HPSE2: variants seen among roughly 807,000 people sequenced by gnomAD.
HPSE2 encodes the protein inactive heparanase-2.
Under a neutral mutation model 60.5 loss-of-function variants are expected in HPSE2, and 38 were observed. That is an observed-to-expected ratio of 0.63 (90% CI 0.48 to 0.82). HPSE2 has a LOEUF of 0.82. HPSE2 is among the 40% of genes least tolerant of loss of function. The probability of loss-of-function intolerance (pLI) is 0.00; values close to 1 mark genes in which losing one functional copy is unlikely to be tolerated. For missense variants in HPSE2, 713 were observed against 740.4 expected, an observed-to-expected ratio of 0.96 and a Z score of 0.43; for synonymous variants, 295 against 293.2, an observed-to-expected ratio of 1.01 and a Z score of -0.06.
chr10:99,093,257 T>A (rs1843580983), intron 3 of HPSE2, among the ~76,000 whole-genome samples: 1 of 151,884 alleles, frequency 6.6e-6, no homozygotes. Flanking sequence ...TTTCTACCAC[T>A]CAGGAATTCC....
At chr10:98,727,659 A>C (rs921826365) in intron 4 of HPSE2, among the ~76,000 whole-genome samples, 1 of 149,218 alleles carries the variant, frequency 6.7e-6, no homozygotes, top group African/African-American at 2.4e-5. Context: ...CTGTCTCAAA[A>C]AAACAAAAAA....
At chr10:99,184,809 TATATATATATAGAG>T (rs1487082444) in intron 2 of HPSE2, among the ~76,000 whole-genome samples, 17 of 38,032 alleles carry the variant, frequency 4.5e-4, no homozygotes, top group African/African-American at 9.7e-4. Context: ...TATATATATA[TATATATATATAGAG>T]AGAGAGAGAG....
In HPSE2 at chr10:98,931,442, G is replaced by A. The variant is rs148926579; in HGVS notation, c.611-187386C>T. ...TGTTCTTTTTACTTAGGGTTGTCTT[G>A]GCTATGCAAGCTCTTTTTTGGTTCC... On this transcript the variant is annotated intron_variant, in intron 3 of 11. Coordinates refer to ENST00000370552, the MANE Select transcript of HPSE2 (RefSeq NM_021828.5). 1.1e-3 allele frequency among the ~76,000 whole-genome samples: 164 copies of A among 143,958 alleles called. 17 individuals carry two copies. In the East Asian group the frequency reaches 0.029, roughly 26 times the overall value. 94.4% of individuals were successfully genotyped at this position (143,958 alleles called of 152,430 possible).
chr10:99,035,478 G>A (rs746372860), intron 3 of HPSE2, among the ~76,000 whole-genome samples: 46 of 152,268 alleles, frequency 3.0e-4, no homozygotes, highest in Non-Finnish European at 5.3e-4. Context: ...CCTGCCTGAG[G>A]CTGTTTTACA....
intron 9 of HPSE2, among the ~76,000 whole-genome samples, chr10:98,608,821 A>G (rs1945667205): frequency 6.6e-6 from 1 of 152,066 alleles, no homozygotes; most frequent in African/African-American, 2.4e-5. Context: ...CCCACGGGAA[A>G]GAAAAGAAAG....
chr10:98,911,653 C>T (rs1374542829), intron 3 of HPSE2, among the ~76,000 whole-genome samples: 1 of 151,994 alleles, frequency 6.6e-6, no homozygotes, highest in African/African-American at 2.4e-5. Context: ...AGCTATAACC[C>T]GGTTGAAACA....
At chr10:99,051,268 G>A (rs575568410) in intron 3 of HPSE2, among the ~76,000 whole-genome samples, 2 of 152,088 alleles carry the variant, frequency 1.3e-5, no homozygotes, top group Non-Finnish European at 2.9e-5. Context: ...GGGCGACAGA[G>A]TGCAATATTT....
rs534191957 is a variant in HPSE2, at chr10:98,502,263, A to G, written c.1321-12067T>C. The stretch of plus-strand genomic sequence containing the variant: ...ACAGCAAGACTAAGCAAAAAGAACA[A>G]ATTGAGAGGCATCGCACACTACCTG... On this transcript the variant is annotated intron_variant, in intron 9 of 11. Coordinates refer to ENST00000370552, the MANE Select transcript of HPSE2 (RefSeq NM_021828.5). 5.3e-5 allele frequency among the ~76,000 whole-genome samples: 8 copies of G among 152,320 alleles called. No homozygotes were observed. The South Asian group carries it at 1.7e-3, about 32-fold the overall frequency.
At chr10:99,056,093 A>C (rs1413999815) in intron 3 of HPSE2, among the ~76,000 whole-genome samples, 1 of 149,650 alleles carries the variant, frequency 6.7e-6, no homozygotes, top group African/African-American at 2.4e-5. Context: ...TAAGAACACA[A>C]ATTAACAATA....
At chr10:99,178,556 A>G (rs1847627996) in intron 2 of HPSE2, among the ~76,000 whole-genome samples, 1 of 152,096 alleles carries the variant, frequency 6.6e-6, no homozygotes, top group South Asian at 2.1e-4. Context: ...TACACCCTCC[A>G]AACATTAAAC....
chr10:99,315,661 T>C, the HPSE2 span, among the ~76,000 whole-genome samples: 10 of 152,236 alleles, frequency 6.6e-5, no homozygotes, highest in Admixed American at 2.0e-4. Flanking sequence ...GTTATTTCTA[T>C]GGCGATTTTA....
chr10:98,738,553 G>C (rs1949415055), intron 4 of HPSE2, among the ~76,000 whole-genome samples: 1 of 152,122 alleles, frequency 6.6e-6, no homozygotes, highest in Non-Finnish European at 1.5e-5. Flanking sequence ...TACAGAATGA[G>C]AGAAAATTTT....
rs542908818 is a variant in HPSE2 at position 98,772,965 on chromosome 10, C to A, written c.611-28909G>T. On this transcript the variant is annotated intron_variant, in intron 3 of 11. Transcript: ENST00000370552. ...TTAGGCTGAAATAAGCTCACGAGGT[C>A]AACAAAGAATTATGATTGATTAGGA... Among the ~76,000 whole-genome samples, 10 of 152,230 alleles carry A rather than the reference C, an allele frequency of 6.6e-5. No homozygotes were observed. The South Asian group carries it at 2.1e-3, about 32-fold the overall frequency.
chr10:98,891,270 T>C (rs1476316344), intron 3 of HPSE2, among the ~76,000 whole-genome samples: 3 of 152,086 alleles, frequency 2.0e-5, no homozygotes, highest in Non-Finnish European at 4.4e-5. Flanking sequence ...ATGATCCAAT[T>C]AGCATAAAAG....
At chr10:99,174,073 C>A (rs1280424342) in intron 2 of HPSE2, among the ~76,000 whole-genome samples, 1 of 151,960 alleles carries the variant, frequency 6.6e-6, no homozygotes, top group African/African-American at 2.4e-5. Flanking sequence ...TGAAATTGAC[C>A]CAGTCACAGA....
At chr10:99,108,427 T>C (rs1265882367) in intron 3 of HPSE2, among the ~76,000 whole-genome samples, 2 of 152,196 alleles carry the variant, frequency 1.3e-5, no homozygotes, top group Non-Finnish European at 2.9e-5. Context: ...CAGTTCATTT[T>C]AGTAACACAG....
At chr10:99,140,489 A>G (rs1462940860) in intron 3 of HPSE2, among the ~76,000 whole-genome samples, 1 of 152,226 alleles carries the variant, frequency 6.6e-6, no homozygotes, top group Non-Finnish European at 1.5e-5. Flanking sequence ...ATCATTCACT[A>G]TGCTTTACAT....
At chr10:99,086,197 C>CA (rs1390380577) in intron 3 of HPSE2, among the ~76,000 whole-genome samples, 3 of 152,078 alleles carry the variant, frequency 2.0e-5, no homozygotes, top group Non-Finnish European at 2.9e-5. Context: ...AGTTAGGACT[C>CA]AGTGTTTAGC....
intron 6 of HPSE2, among the ~76,000 whole-genome samples, chr10:98,691,615 A>G (rs922423349): frequency 4.6e-5 from 7 of 152,192 alleles, no homozygotes; most frequent in African/African-American, 7.2e-5. Flanking sequence ...CCTTTATACT[A>G]CGTTATCCAG....
Sources: gnomAD v4.1 joint callset for allele counts (sites outside exome capture counted in the v4.1 genomes callset) on GRCh38, gnomAD v4.1.1 for gene constraint, MANE v1.5 for transcripts, NCBI Gene and HGNC (gene_info 2026-07-23, HGNC 2026-07-21) for gene names.